The following ASTN2 variants were observed in gnomAD, a reference collection of about 807,000 sequenced individuals.
ASTN2 encodes the protein astrotactin 2, also known as astrotactin-2.
In ASTN2, 54 loss-of-function variants were observed where a neutral mutation model predicts 139.8. The observed-to-expected ratio is 0.39, with a 90% CI of 0.31 to 0.48. The LOEUF is 0.48. Among genes scored for constraint, ASTN2 ranks in the 20% least tolerant of loss-of-function variants. ASTN2 has a pLI of 0.95. For missense variants in ASTN2, 1,565 were observed against 1,725.1 expected, an observed-to-expected ratio of 0.91 and a Z score of 1.64; for synonymous variants, 756 against 719.5, an observed-to-expected ratio of 1.05 and a Z score of -0.81.
At chr9:116,772,198 CT>C (rs1347270789) in intron 13 of ASTN2, among the ~76,000 whole-genome samples, 2 of 152,188 alleles carry the variant, frequency 1.3e-5, no homozygotes, top group African/African-American at 4.8e-5. Context: ...CAAATCTCAT[CT>C]TGAATTTTAG....
intron 3 of ASTN2, among the ~76,000 whole-genome samples, chr9:117,162,975 C>T (rs1195530630): frequency 2.0e-5 from 3 of 152,044 alleles, no homozygotes; most frequent in South Asian, 2.1e-4. Flanking sequence ...CAGGAAAATG[C>T]TCCCAGACAA....
At chr9:117,359,432 G>GTA (rs1212282914) in intron 1 of ASTN2, among the ~76,000 whole-genome samples, 1 of 152,200 alleles carries the variant, frequency 6.6e-6, no homozygotes, top group Non-Finnish European at 1.5e-5. Flanking sequence ...GGCAAAAGCT[G>GTA]TCTTCACGAT....
intron 20 of ASTN2, among the ~76,000 whole-genome samples, chr9:116,444,705 G>A (rs538000246): frequency 1.4e-4 from 21 of 152,264 alleles, no homozygotes; most frequent in African/African-American, 5.1e-4. Flanking sequence ...TCTTGGAGAT[G>A]GCCAGATGTG....
intron 13 of ASTN2, among the ~76,000 whole-genome samples, chr9:116,774,763 A>G (rs1002066508): frequency 6.6e-6 from 1 of 152,108 alleles, no homozygotes; most frequent in Non-Finnish European, 1.5e-5. Context: ...CCTCCTGCTA[A>G]TCTCCCAGCA....
chr9:116,535,426 T>C (rs893485934), intron 19 of ASTN2, among the ~76,000 whole-genome samples: 85 of 152,244 alleles, frequency 5.6e-4, no homozygotes, highest in African/African-American at 1.9e-3. Flanking sequence ...GGTTATTTTG[T>C]TTGTTAGTTG....
chr9:117,380,939 C>T (rs147202709), intron 1 of ASTN2, among the ~76,000 whole-genome samples: 1 of 152,236 alleles, frequency 6.6e-6, no homozygotes, highest in Admixed American at 6.5e-5. Flanking sequence ...TATGTCCATG[C>T]AAAACTTGTA....
intron 22 of ASTN2, among the ~76,000 whole-genome samples, chr9:116,436,483 T>C (rs1404207178): frequency 6.6e-6 from 1 of 152,196 alleles, no homozygotes. Context: ...TACTTACAAA[T>C]GTGAATACGA....
chr9:117,288,490 T>C (rs903893872), intron 2 of ASTN2, among the ~76,000 whole-genome samples: 1 of 152,056 alleles, frequency 6.6e-6, no homozygotes. Flanking sequence ...ATGAAAACAA[T>C]AGTGTATCCA....
At chr9:116,507,149 A>C (rs1850147817) in intron 19 of ASTN2, among the ~76,000 whole-genome samples, 1 of 152,184 alleles carries the variant, frequency 6.6e-6, no homozygotes. Flanking sequence ...AAGATGAAGA[A>C]ATGGAGACGC....
chr9:117,197,796 G>A (rs1381058000), intron 3 of ASTN2, among the ~76,000 whole-genome samples: 3 of 152,044 alleles, frequency 2.0e-5, no homozygotes, highest in Non-Finnish European at 2.9e-5. Context: ...TGTCTGAAAG[G>A]TCTTTATTTC....
At chr9:116,516,970 A>C (rs569163409) in intron 19 of ASTN2, among the ~76,000 whole-genome samples, 1 of 152,310 alleles carries the variant, frequency 6.6e-6, no homozygotes, top group African/African-American at 2.4e-5. Context: ...CAAGCCCCAC[A>C]CAAGGACAGG....
At chr9:117,130,898 C>A (rs1040237554) in intron 4 of ASTN2, among the ~76,000 whole-genome samples, 2 of 152,186 alleles carry the variant, frequency 1.3e-5, no homozygotes, top group Non-Finnish European at 2.9e-5. Flanking sequence ...CCCTGAGCAC[C>A]TATTTGTGGC....
chr9:116,678,949 T>G (rs944634291), intron 16 of ASTN2, among the ~76,000 whole-genome samples: 3 of 152,198 alleles, frequency 2.0e-5, no homozygotes, highest in African/African-American at 7.2e-5. Flanking sequence ...TGGTTTTCTC[T>G]TTTGAAGATG....
In ASTN2 at chr9:116,748,337, GCAC is replaced by G. The variant is rs576518154; in HGVS notation, c.2397-14817_2397-14815del. Among the ~76,000 whole-genome samples, 1,297 of 152,232 alleles carry G rather than the reference GCAC, an allele frequency of 8.5e-3. 16 individuals are homozygous for G. The highest frequency in any genetic ancestry group is 0.03 in the African/African-American group (1,248 of 41,536). On this transcript the variant is annotated intron_variant, in intron 13 of 22. Transcript: ENST00000313400. ...GGCAGCTGAGCTCCTTGATGAGGGG[GCAC>G]CTCTTAGTCCAACCCTCCTGCTCCA...
chr9:116,766,935 A>T, intron 13 of ASTN2, among the ~76,000 whole-genome samples: 1 of 151,864 alleles, frequency 6.6e-6, no homozygotes, highest in Non-Finnish European at 1.5e-5. Context: ...AAACACACAC[A>T]TTCATACTTA....
intron 19 of ASTN2, chr9:116,584,830 T>C (rs1182732714): frequency 6.6e-6 from 1 of 152,212 alleles, no homozygotes; most frequent in Admixed American, 6.5e-5. Context: ...ACTGGAGGCA[T>C]GTTACCAGTG....
chr9:116,576,610 C>T (rs1853731728), intron 19 of ASTN2, among the ~76,000 whole-genome samples: 1 of 152,146 alleles, frequency 6.6e-6, no homozygotes, highest in African/African-American at 2.4e-5. Context: ...GACAGGATTA[C>T]AGCACACTAG....
rs552875583 is a variant in ASTN2 at position 116,472,107 on chromosome 9, A to G, written c.3497+15252T>C. Among the ~76,000 whole-genome samples, 3 of 152,198 alleles carry G rather than the reference A, an allele frequency of 2.0e-5. No homozygotes were observed. The South Asian group carries it at 6.2e-4, about 32-fold the overall frequency. The stretch of plus-strand genomic sequence containing the variant: ...CCTCTATTCTAACTTATACACCACG[A>G]AGATCTTTCTATAACCCAACTGTGG... On this transcript the variant is annotated intron_variant, in intron 20 of 22. Coordinates refer to ENST00000313400, the MANE Select transcript of ASTN2 (RefSeq NM_001365068.1).
At chr9:116,665,456 GA>G (rs1858805508) in intron 16 of ASTN2, among the ~76,000 whole-genome samples, 1 of 151,946 alleles carries the variant, frequency 6.6e-6, no homozygotes, top group African/African-American at 2.4e-5. Context: ...TTTTGTCTTT[GA>G]AAAAATAAAA....
Sources: gnomAD v4.1 joint callset for allele counts (sites outside exome capture counted in the v4.1 genomes callset) on GRCh38, gnomAD v4.1.1 for gene constraint, MANE v1.5 for transcripts, NCBI Gene and HGNC (gene_info 2026-07-23, HGNC 2026-07-21) for gene names.